FAM174A: variants seen among roughly 807,000 people sequenced by gnomAD.
FAM174A encodes membrane protein FAM174A.
Under a neutral mutation model 14.3 loss-of-function variants are expected in FAM174A, and 14 were observed. The observed-to-expected ratio is 0.98, with a 90% CI of 0.65 to 1.53. FAM174A has a LOEUF of 1.53. FAM174A is among the 40% of genes most tolerant of loss of function. The probability of loss-of-function intolerance (pLI) is 0.00; values close to 1 mark genes in which losing one functional copy is unlikely to be tolerated. For synonymous variants in FAM174A, 108 were observed against 111.4 expected, an observed-to-expected ratio of 0.97 and a Z score of 0.19; for missense variants, 241 against 249.6, an observed-to-expected ratio of 0.97 and a Z score of 0.23.
At chr5:100,555,592 T>G (rs866882211) in intron 1 of FAM174A, among the ~76,000 whole-genome samples, 1 of 151,978 alleles carries the variant, frequency 6.6e-6, no homozygotes, top group South Asian at 2.1e-4. Context: ...TAGCACCTGT[T>G]GTTTCCTGAC....
intron 2 of FAM174A, among the ~76,000 whole-genome samples, chr5:100,567,900 T>C (rs1437426103): frequency 3.9e-5 from 6 of 151,988 alleles, no homozygotes; most frequent in Admixed American, 3.3e-4. Flanking sequence ...GTTAATGACT[T>C]TTCCCCTCCA....
intron 1 of FAM174A, among the ~76,000 whole-genome samples, chr5:100,536,506 T>C (rs1290814058): frequency 1.3e-5 from 2 of 152,168 alleles, no homozygotes; most frequent in Admixed American, 1.3e-4. Context: ...TTTTATAAAA[T>C]TCAGGAGAAG....
At chr5:100,583,883 A>G (rs1178998706) in intron 2 of FAM174A, among the ~76,000 whole-genome samples, 1 of 152,128 alleles carries the variant, frequency 6.6e-6, no homozygotes, top group African/African-American at 2.4e-5. Flanking sequence ...AAACCTTTCC[A>G]TAGCGTACTG....
At chr5:100,560,242 TAGAG>T (rs1746497138) in intron 1 of FAM174A, among the ~76,000 whole-genome samples, 2 of 152,054 alleles carry the variant, frequency 1.3e-5, no homozygotes, top group African/African-American at 4.8e-5. Flanking sequence ...GGGTTTTTTA[TAGAG>T]AAAGTTTAGA....
At chr5:100,542,486 T>A (rs999779296) in intron 1 of FAM174A, among the ~76,000 whole-genome samples, 1 of 152,222 alleles carries the variant, frequency 6.6e-6, no homozygotes, top group East Asian at 1.9e-4. Context: ...ATGAGCTCAA[T>A]TGACCTTACA....
At chr5:100,586,008 G>A (rs1374324679) in intron 2 of FAM174A, among the ~76,000 whole-genome samples, 173 bp from the exon 3 acceptor site, 1 of 152,078 alleles carries the variant, frequency 6.6e-6, no homozygotes, top group East Asian at 1.9e-4. Context: ...GATAATTTCT[G>A]AAATAATTTA....
At chr5:100,562,775 T>C (rs1312120804) in intron 2 of FAM174A, among the ~76,000 whole-genome samples, 1 of 151,860 alleles carries the variant, frequency 6.6e-6, no homozygotes, top group African/African-American at 2.4e-5. Context: ...GTAGCTGTAA[T>C]ATATATACTG....
rs181913258 is a variant in FAM174A at position 100,550,796 on chromosome 5, C to T, written c.435-11258C>T. On this transcript the variant is annotated intron_variant, in intron 1 of 2. Coordinates refer to ENST00000312637, the MANE Select transcript of FAM174A (RefSeq NM_198507.3). ...CAGCTGAAAGATGAGCAGGCATTCACACAGCAGTATTGTGGTAGGTGAGAG... is the reference window on the plus strand; with the variant it reads ...CAGCTGAAAGATGAGCAGGCATTCATACAGCAGTATTGTGGTAGGTGAGAG... 9.2e-5 allele frequency among the ~76,000 whole-genome samples: 14 copies of T among 152,264 alleles called. No homozygotes were observed. In the East Asian group the frequency reaches 2.5e-3, roughly 27 times the overall value.
intron 1 of FAM174A, among the ~76,000 whole-genome samples, chr5:100,553,640 T>A (rs531239224): frequency 6.6e-6 from 1 of 152,132 alleles, no homozygotes; most frequent in Non-Finnish European, 1.5e-5. Flanking sequence ...ACCCATTTAT[T>A]TGATGCCTAA....
At chr5:100,582,266 G>T (rs1249701580) in intron 2 of FAM174A, among the ~76,000 whole-genome samples, 2 of 151,710 alleles carry the variant, frequency 1.3e-5, no homozygotes, top group African/African-American at 2.4e-5. Context: ...ATTTTTTAAA[G>T]GATTAAATTT....
At chr5:100,559,040 C>G (rs891459681) in intron 1 of FAM174A, among the ~76,000 whole-genome samples, 1 of 152,140 alleles carries the variant, frequency 6.6e-6, no homozygotes, top group Non-Finnish European at 1.5e-5. Context: ...CCTCGAGGGT[C>G]TTTACAGTTT....
rs574679411 is a variant in FAM174A, at chr5:100,572,521, G to A, written c.569+10333G>A. Among the ~76,000 whole-genome samples, 21 of 151,304 alleles carry A rather than the reference G, an allele frequency of 1.4e-4. No homozygotes were observed. The East Asian group carries it at 2.5e-3, about 18-fold the overall frequency. On this transcript the variant is annotated intron_variant, in intron 2 of 2. Transcript: ENST00000312637. ...GCGGTGTTCGGTTTTTTGTTCTTGC[G>A]ATAGTTTACTGAGAATGATGATTTC...
In FAM174A at chr5:100,552,982, A is replaced by G. The variant is rs564007001; in HGVS notation, c.435-9072A>G. On this transcript the variant is annotated intron_variant, in intron 1 of 2. Transcript: ENST00000312637. ...AGATAAGGTCTCTATTTTTATTTTC[A>G]TTAGAAGCTGGCAAAATTTGTTTCT... 5.3e-5 allele frequency among the ~76,000 whole-genome samples: 8 copies of G among 152,086 alleles called. No homozygotes were observed. In the East Asian group the frequency reaches 1.4e-3, roughly 26 times the overall value.
At chr5:100,544,495 A>G (rs973929806) in intron 1 of FAM174A, among the ~76,000 whole-genome samples, 1 of 152,154 alleles carries the variant, frequency 6.6e-6, no homozygotes, top group Non-Finnish European at 1.5e-5. Flanking sequence ...AGAAAGATAA[A>G]GGAAAAGAAT....
intron 1 of FAM174A, among the ~76,000 whole-genome samples, chr5:100,549,020 A>G (rs1268348241): frequency 3.9e-5 from 6 of 152,080 alleles, no homozygotes; most frequent in Non-Finnish European, 7.4e-5. Context: ...CTCTCTCTGT[A>G]TTTATATATA....
chr5:100,582,102 TTATGAAACTGCAATTTTG>T (rs1427987590), intron 2 of FAM174A, among the ~76,000 whole-genome samples: 2 of 152,202 alleles, frequency 1.3e-5, no homozygotes, highest in African/African-American at 4.8e-5. Flanking sequence ...TTCTCCTAGT[TTATGAAACTGCAATTTTG>T]ATTTTACAGA....
At chr5:100,579,493 C>T (rs906376949) in intron 2 of FAM174A, among the ~76,000 whole-genome samples, 1 of 151,964 alleles carries the variant, frequency 6.6e-6, no homozygotes, top group South Asian at 2.1e-4. Flanking sequence ...GGCACGATCT[C>T]GTCTCGCTGC....
At chr5:100,574,478 G>A (rs1746860808) in intron 2 of FAM174A, among the ~76,000 whole-genome samples, 1 of 152,142 alleles carries the variant, frequency 6.6e-6, no homozygotes, top group Non-Finnish European at 1.5e-5. Context: ...GTGAGCCACT[G>A]CACCGGGCCT....
chr5:100,586,074 C>T, intron 2 of FAM174A, 107 bp from the exon 3 acceptor site: 1 of 509,152 alleles, frequency 2.0e-6, no homozygotes, highest in Non-Finnish European at 3.5e-6. Context: ...AGACTAAGTA[C>T]TTTTATTATA....
Sources: gnomAD v4.1 joint callset for allele counts (sites outside exome capture counted in the v4.1 genomes callset) on GRCh38, gnomAD v4.1.1 for gene constraint, MANE v1.5 for transcripts, NCBI Gene and HGNC (gene_info 2026-07-23, HGNC 2026-07-21) for gene names.